The following CEP295 variants were observed in gnomAD, a reference collection of about 807,000 sequenced individuals.
CEP295 encodes centrosomal protein of 295 kDa.
A neutral mutation model predicts 291.6 loss-of-function variants in CEP295; 190 were observed. The observed-to-expected ratio is 0.65, with a 90% CI of 0.58 to 0.73. CEP295 has a LOEUF of 0.73. CEP295 is among the 30% of genes least tolerant of loss of function. The pLI, the probability that CEP295 is intolerant of heterozygous loss-of-function variation, is 0.00. For missense variants in CEP295, 2,863 were observed against 2,949.4 expected (o/e 0.97, Z 0.68); for synonymous variants, 993 against 1,038.8 (o/e 0.96, Z 0.85).
At chr11:93,709,103 C>T (rs866437699) in intron 18 of CEP295, among the ~76,000 whole-genome samples, 4 of 152,268 alleles carry the variant, frequency 2.6e-5, no homozygotes, top group Middle Eastern at 3.4e-3. Context: ...GTTGTCTCTT[C>T]ACTTTATTGA....
At position 93,683,857 on chromosome 11, in the gene CEP295, C is replaced by T. The variant is rs1302349791; in HGVS notation, c.950-107C>T. On this transcript the variant is annotated intron_variant, in intron 8 of 29. Transcript: ENST00000325212. ...AAATGAGTTCTCTGTTTGAAGGAGGCCCCCCATATTTTAGATTGAGACATT... is the reference window on the plus strand; with the variant it reads ...AAATGAGTTCTCTGTTTGAAGGAGGTCCCCCATATTTTAGATTGAGACATT... The T allele has an allele frequency of 7.1e-6, 10 of 1,405,226 alleles. No individual in the cohort carries two copies. The East Asian group carries it at 7.5e-5, about 11-fold the overall frequency. The allele number at this position is 1,405,226 out of a possible 1,614,324, so 87.0% of individuals were successfully genotyped here.
chr11:93,689,344 C>T (rs1951403469), intron 10 of CEP295, among the ~76,000 whole-genome samples: 1 of 152,312 alleles, frequency 6.6e-6, no homozygotes, highest in South Asian at 2.1e-4. Context: ...CTCCCATACT[C>T]ACTACCTCTC....
intron 5 of CEP295, among the ~76,000 whole-genome samples, chr11:93,673,959 T>A (rs1228990618): frequency 5.3e-5 from 8 of 151,900 alleles, no homozygotes; most frequent in African/African-American, 1.9e-4. Context: ...CTTCTTTTTT[T>A]TTTTTCTTTT....
Position 93,700,032 on chromosome 11 carries a change from A to T in CEP295, c.5120A>T (p.Asn1707Ile), listed in dbSNP as rs1392147773. Reference protein sequence around the residue: ...FSQSVLTQQDNLGLQKQLDLQ... With the variant: ...FSQSVLTQQDILGLQKQLDLQ... ...CAGTCTGTCTTAACTCAGCAAGATA[A>T]CTTGGGACTTCAGAAACAGTTGGAT... Residue 1707 changes from asparagine (N) to isoleucine (I), a missense_variant, in exon 15 of 30, where the codon AAC (asparagine) becomes ATC (isoleucine). This residue lies in a region of CEP295 where 2,295 missense variants were observed against 2,335.7 expected (regional missense o/e 0.98). Transcript: ENST00000325212. The T allele has an allele frequency of 7.1e-6, 11 of 1,551,752 alleles. No individual in the cohort carries two copies. The highest frequency in any genetic ancestry group is 2.0e-5 in the Admixed American group (1 of 50,990).
At position 93,721,379 on chromosome 11, in the gene CEP295, A is replaced by G. The variant is rs572754543; in HGVS notation, c.5817A>G (p.Ala1939=). Reference sequence around the variant, plus strand: ...GTTATGCTGTGGAGGAAGAACATGCATATTTGGGTCCAACTGTGAAGCCAG... The same window carrying G: ...GTTATGCTGTGGAGGAAGAACATGCGTATTTGGGTCCAACTGTGAAGCCAG... The part of the protein sequence containing the change: ...VLSYAVEEEH[A]YLGPTVKPDD... The change falls in exon 19 of 30, where the codon GCA becomes GCG. Residue 1939 remains alanine, a synonymous_variant. Coordinates refer to ENST00000325212, the MANE Select transcript of CEP295 (RefSeq NM_033395.2). 4 of 1,581,690 alleles carry G rather than the reference A, an allele frequency of 2.5e-6. No individual in the cohort carries two copies. In the African/African-American group the frequency reaches 4.0e-5, roughly 16 times the overall value.
intron 23 of CEP295, among the ~76,000 whole-genome samples, chr11:93,726,361 C>G (rs2155245): frequency 0.91 from 137,965 of 152,260 alleles, 63,585 homozygotes; most frequent in Non-Finnish European, 0.99. Flanking sequence ...CTAGAACTCC[C>G]GACCTCAGAT....
intron 17 of CEP295, among the ~76,000 whole-genome samples, chr11:93,703,711 C>G (rs1413271475): frequency 6.7e-6 from 1 of 150,370 alleles, no homozygotes; most frequent in Non-Finnish European, 1.5e-5. Context: ...ATTCACTGTA[C>G]TACTTTCTAC....
rs950013147 is a variant in CEP295, at chr11:93,679,461, T to A, written c.674T>A (p.Leu225Gln). The change falls in exon 7 of 30, where the codon CTA becomes CAA. Residue 225 changes from leucine (L) to glutamine (Q), a missense_variant. Physicochemically the swap from Leu to Gln is moderately radical, Grantham distance 113. This residue lies in a region of CEP295 where 554 missense variants were observed against 576.0 expected (regional missense o/e 0.96). Coordinates refer to ENST00000325212, the MANE Select transcript of CEP295 (RefSeq NM_033395.2). ...GAGGAAGCTAAACGATTGGAAGAAC[T>A]ACAAAAACAGGCAGCACAAGAGAGA... ...AEEEAKRLEELQKQAAQERME... is the reference protein window; with the variant it reads ...AEEEAKRLEEQQKQAAQERME... 8 of 1,551,496 alleles carry A rather than the reference T, an allele frequency of 5.2e-6. No homozygotes were observed. The Admixed American group carries it at 5.9e-5, about 11-fold the overall frequency.
At chr11:93,666,290 A>G (rs934691916) in intron 1 of CEP295, among the ~76,000 whole-genome samples, 7 of 152,210 alleles carry the variant, frequency 4.6e-5, no homozygotes, top group African/African-American at 1.7e-4. Context: ...AAAAGTATTA[A>G]CACGAATTTT....
At chr11:93,671,285 G>GT (rs531357810) in intron 5 of CEP295, among the ~76,000 whole-genome samples, 272 of 151,330 alleles carry the variant, frequency 1.8e-3, no homozygotes, top group Middle Eastern at 0.014. Context: ...TGGTAAATGG[G>GT]TTTTTTTTTC....
Position 93,663,697 on chromosome 11 carries a change from T to G in CEP295, c.-27+1923T>G, listed in dbSNP as rs575016014. On this transcript the variant is annotated intron_variant, in intron 1 of 29. Transcript: ENST00000325212. ...TTCCAAATAAAAAGTTTAAAAAATT[T>G]AAAAATTATACACAAGAAGAAACAG... is the stretch of plus-strand genomic sequence containing the variant. 4.5e-4 allele frequency among the ~76,000 whole-genome samples: 69 copies of G among 152,320 alleles called. 1 individual carries two copies. The highest frequency in any genetic ancestry group is 3.4e-3 in the Middle Eastern group (1 of 294).
At chr11:93,665,374 G>C (rs1354858747) in intron 1 of CEP295, among the ~76,000 whole-genome samples, 1 of 152,152 alleles carries the variant, frequency 6.6e-6, no homozygotes, top group Non-Finnish European at 1.5e-5. Context: ...TTATAATCTA[G>C]GGAGGAGAGA....
Position 93,697,822 on chromosome 11 carries a change from CCAGGAAG to C in CEP295, c.2911_2917del (p.Gln971TyrfsTer27). ...ATAGCCTTCAGGCTAGGCGAGAAGCCCAGGAAGTATTGTATGTACATAAACAGAGTGA... is the reference window on the plus strand; with the variant it reads ...ATAGCCTTCAGGCTAGGCGAGAAGCCTATTGTATGTACATAAACAGAGTGA... On this transcript the variant is annotated frameshift_variant, in exon 15 of 30. Coordinates refer to ENST00000325212, the MANE Select transcript of CEP295 (RefSeq NM_033395.2). LOFTEE classifies it high-confidence loss of function. 3 of 1,551,386 alleles carry C rather than the reference CCAGGAAG, an allele frequency of 1.9e-6. No homozygotes were observed. The highest frequency in any genetic ancestry group is 2.6e-6 in the Non-Finnish European group (3 of 1,146,880).
chr11:93,698,533 C>T lies in CEP295; in HGVS notation c.3621C>T (p.Ser1207=). 1 of 1,552,124 alleles carries T rather than the reference C, an allele frequency of 6.4e-7. No homozygotes were observed. Among genetic ancestry groups the T allele is most frequent in the Non-Finnish European group, 8.7e-7 (1 of 1,147,072 alleles). ...ISSEQTGTSS[S]LSQVDESERF... is the part of the protein sequence containing the mutation. The stretch of plus-strand genomic sequence containing the variant: ...CTGAACAGACTGGCACCTCCTCATC[C>T]CTTTCCCAGGTGGATGAATCTGAGA... Residue 1207 remains serine (S), a synonymous_variant, in exon 15 of 30, where the codon TCC becomes TCT. Transcript: ENST00000325212.
chr11:93,664,858 T>C (rs1418459674), intron 1 of CEP295, among the ~76,000 whole-genome samples: 3 of 152,206 alleles, frequency 2.0e-5, no homozygotes, highest in Non-Finnish European at 4.4e-5. Context: ...CTGGTAGTTA[T>C]TTATTAAATT....
At position 93,711,467 on chromosome 11, in the gene CEP295, G is replaced by T. The variant is rs890806618; in HGVS notation, c.5749+4570G>T. Among the ~76,000 whole-genome samples the T allele has an allele frequency of 1.3e-4, 19 of 151,592 alleles. No homozygotes were observed. In the East Asian group the frequency reaches 3.7e-3, roughly 29 times the overall value. On this transcript the variant is annotated intron_variant, in intron 18 of 29. Transcript: ENST00000325212. ...ATTCCACTGTGGTCAGAGAAGACAA[G>T]TGTTATTATTTCAGTTTTGTTTTTG...
At chr11:93,725,070 C>T (rs1036756598) in intron 22 of CEP295, among the ~76,000 whole-genome samples, 3 of 151,968 alleles carry the variant, frequency 2.0e-5, no homozygotes, top group African/African-American at 7.3e-5. Context: ...GCCTGGCCAA[C>T]ATGGTGAAAT....
At chr11:93,723,781 G>C (rs1953933705) in intron 21 of CEP295, 1 of 157,238 alleles carries the variant, frequency 6.4e-6, no homozygotes, top group Non-Finnish European at 1.4e-5. Context: ...TGAAGCAGTG[G>C]TTACATATGT....
In CEP295 at chr11:93,667,797, C is replaced by A; in HGVS notation, c.299C>A (p.Ala100Asp). 1.9e-6 allele frequency: 3 copies of A among 1,546,994 alleles called. No individual in the cohort carries two copies. Among genetic ancestry groups the A allele is most frequent in the Non-Finnish European group, 2.6e-6 (3 of 1,144,810 alleles). ...AGTATGGGAGAGGGACATCGACAGG[C>A]CAAAGAAAATGTGAGTGAGATCTTA... ...LRSMGEGHRQ[A>D]KENEPDLDAL... Residue 100 changes from alanine (A) to aspartate (D), a missense_variant, in exon 3 of 30, where the codon GCC (alanine) becomes GAC (aspartate). Physicochemically the swap from Ala to Asp is moderately radical, Grantham distance 126. Transcript: ENST00000325212.
Sources: allele counts gnomAD v4.1 joint callset (sites outside exome capture counted in the v4.1 genomes callset), GRCh38; gene constraint gnomAD v4.1.1; regional missense constraint gnomAD v4.1.1; transcripts MANE v1.5; gene names NCBI Gene and HGNC (gene_info 2026-07-23, HGNC 2026-07-21).